The following PTER variants were observed in gnomAD, a reference collection of about 807,000 sequenced individuals.
PTER encodes the protein N-acetyltaurine hydrolase.
PTER carries 38 observed loss-of-function variants against 29.6 expected under a neutral mutation model. The ratio of observed to expected loss-of-function variants is 1.28; its 90% CI spans 0.99 to 1.68. PTER has a LOEUF of 1.68. Among genes scored for constraint, PTER ranks in the 40% most tolerant of loss-of-function variants. The pLI is 0.00. For synonymous variants in PTER, 172 were observed against 154.5 expected (o/e 1.11, Z -0.84); for missense variants, 482 against 427.8 (o/e 1.13, Z -1.12).
chr10:16,503,379 A>T (rs1259791677), intron 3 of PTER, among the ~76,000 whole-genome samples: 2 of 151,660 alleles, frequency 1.3e-5, no homozygotes, highest in African/African-American at 4.8e-5. Flanking sequence ...GGTGCCTGCC[A>T]CCACCCCCAG....
At chr10:16,516,893 T>A (rs1297636681), downstream of PTER, among the ~76,000 whole-genome samples, 1 of 152,190 alleles carries the variant, frequency 6.6e-6, no homozygotes, top group Non-Finnish European at 1.5e-5. Flanking sequence ...CTGTAAGATT[T>A]TAACCTATAC....
At chr10:16,442,156 T>C (rs1462137478) in intron 1 of PTER, among the ~76,000 whole-genome samples, 1 of 152,236 alleles carries the variant, frequency 6.6e-6, no homozygotes, top group Non-Finnish European at 1.5e-5. Context: ...CACAAAATCC[T>C]TGGTGTTACT....
intron 1 of PTER, among the ~76,000 whole-genome samples, chr10:16,481,433 G>T (rs751683911): frequency 6.6e-6 from 1 of 152,180 alleles, no homozygotes; most frequent in Non-Finnish European, 1.5e-5. Context: ...AGAGGGAAAA[G>T]GGCTCCCTCC....
At chr10:16,447,101 C>CT (rs71374690) in intron 1 of PTER, among the ~76,000 whole-genome samples, 54,761 of 124,508 alleles carry the variant, frequency 0.44, 12,395 homozygotes, top group Middle Eastern at 0.62. Context: ...TTTTTCTTTT[C>CT]TTTTTTTTTT....
rs1836806433 is a variant in PTER at position 16,511,362 on chromosome 10, G to A, written c.*106G>A. 8.7e-6 allele frequency: 9 copies of A among 1,030,414 alleles called. No homozygotes were observed. Among genetic ancestry groups the A allele is most frequent in the Non-Finnish European group, 1.3e-5 (9 of 680,378 alleles). The allele number at this position is 1,030,414 out of a possible 1,614,324, so 63.8% of individuals were successfully genotyped here. The stretch of plus-strand genomic sequence containing the variant: ...AATCAGTTACCTAGGACTAATGACA[G>A]ATCATTTCCTTCTGATGAGAACTAG... On this transcript the variant is annotated 3_prime_UTR_variant, in exon 5 of 5. Coordinates refer to ENST00000535784, the MANE Select transcript of PTER (RefSeq NM_001261836.2).
Position 16,441,629 on chromosome 10 carries a change from C to T in PTER, c.-49+4582C>T, listed in dbSNP as rs533954090. Among the ~76,000 whole-genome samples the T allele has an allele frequency of 8.5e-5, 13 of 152,290 alleles. No homozygotes were observed. In the East Asian group the frequency reaches 2.5e-3, roughly 29 times the overall value. ...AGAGGTTAACAATCAAAGTTCTCCCCTTATTATAGTCAGGCGAGTGATATG... is the reference window on the plus strand; with the variant it reads ...AGAGGTTAACAATCAAAGTTCTCCCTTTATTATAGTCAGGCGAGTGATATG... On this transcript the variant is annotated intron_variant, in intron 1 of 4. Transcript: ENST00000535784.
At chr10:16,486,730 T>G in intron 3 of PTER, 113 bp downstream of exon 3, 3 of 1,183,236 alleles carry the variant, frequency 2.5e-6, no homozygotes, top group Non-Finnish European at 3.5e-6. Flanking sequence ...AGAAAACCAC[T>G]AACTATATGG....
chr10:16,453,949 C>T (rs1451781028), intron 1 of PTER, among the ~76,000 whole-genome samples: 1 of 152,168 alleles, frequency 6.6e-6, no homozygotes, highest in East Asian at 1.9e-4. Flanking sequence ...AATGAGAAAA[C>T]TGAGGTCCTC....
intron 2 of PTER, among the ~76,000 whole-genome samples, chr10:16,485,425 G>T (rs188881390): frequency 9.3e-4 from 141 of 152,214 alleles, no homozygotes; most frequent in African/African-American, 3.2e-3. Context: ...TTTTTTGCAC[G>T]TGTATGTGTT....
chr10:16,450,939 C>T (rs543369220), intron 1 of PTER, among the ~76,000 whole-genome samples: 7 of 152,266 alleles, frequency 4.6e-5, no homozygotes, highest in East Asian at 1.9e-4. Context: ...GGACTATCAG[C>T]GTTCTCCATA....
At chr10:16,518,969 C>T in the PTER span, among the ~76,000 whole-genome samples, 7 of 151,794 alleles carry the variant, frequency 4.6e-5, no homozygotes, top group Admixed American at 4.6e-4. Context: ...TTTTATTTAT[C>T]TTAATATTAT....
chr10:16,510,062 T>C (rs755414539), intron 4 of PTER, among the ~76,000 whole-genome samples: 6 of 152,108 alleles, frequency 3.9e-5, no homozygotes, highest in Admixed American at 1.3e-4. Context: ...GAAGGCACTG[T>C]CCGTCCGTCT....
At chr10:16,510,017 A>C (rs1360767511) in intron 4 of PTER, among the ~76,000 whole-genome samples, 1 of 152,206 alleles carries the variant, frequency 6.6e-6, no homozygotes, top group Non-Finnish European at 1.5e-5. Context: ...CTTTTGAAAC[A>C]AAAAAGATAC....
intron 1 of PTER, among the ~76,000 whole-genome samples, chr10:16,482,724 G>T (rs1835525447): frequency 1.3e-5 from 2 of 152,104 alleles, no homozygotes; most frequent in South Asian, 4.1e-4. Context: ...GCAGGAGTTT[G>T]TCCTCACTAT....
intron 1 of PTER, among the ~76,000 whole-genome samples, chr10:16,444,254 A>G (rs1030151252): frequency 4.6e-5 from 7 of 151,958 alleles, no homozygotes; most frequent in African/African-American, 9.7e-5. Flanking sequence ...CGGCCTCCCA[A>G]AGTGCTGGGA....
At chr10:16,437,132 A>G (rs1387101957) in intron 1 of PTER, 85 bp downstream of exon 1, 3 of 152,316 alleles carry the variant, frequency 2.0e-5, no homozygotes, top group Non-Finnish European at 4.4e-5. Context: ...CCGCGCGGCC[A>G]GGGTTCGCTG....
At chr10:16,507,457 T>C (rs10508514) in intron 4 of PTER, among the ~76,000 whole-genome samples, 17,338 of 152,032 alleles carry the variant, frequency 0.11, 1,175 homozygotes, top group Middle Eastern at 0.21. Context: ...AATTGAGAAG[T>C]GATGTCCAGG....
intron 1 of PTER, among the ~76,000 whole-genome samples, chr10:16,482,650 G>A (rs1234978772): frequency 2.6e-5 from 4 of 152,272 alleles, no homozygotes; most frequent in East Asian, 1.9e-4. Context: ...TTGGAAACAC[G>A]TGATGCTCCT....
At chr10:16,458,248 T>C (rs971637699) in intron 1 of PTER, among the ~76,000 whole-genome samples, 1 of 152,030 alleles carries the variant, frequency 6.6e-6, no homozygotes, top group Non-Finnish European at 1.5e-5. Context: ...AGCTCTCATA[T>C]CACAACTTGG....
Sources: allele counts gnomAD v4.1 joint callset (sites outside exome capture counted in the v4.1 genomes callset), GRCh38; gene constraint gnomAD v4.1.1; transcripts MANE v1.5; gene names NCBI Gene and HGNC (gene_info 2026-07-23, HGNC 2026-07-21).